Variants in SLC8A2 observed in about 807,000 individuals in gnomAD.
SLC8A2 encodes sodium/calcium exchanger 2.
In SLC8A2, 14 loss-of-function variants were observed where a neutral mutation model predicts 70.2. That is an observed-to-expected ratio of 0.20 (90% CI 0.13 to 0.31). The LOEUF is 0.31. SLC8A2 is among the 10% of genes least tolerant of loss of function. The pLI is 1.00. For missense variants in SLC8A2, 779 were observed against 1,320.1 expected (o/e 0.59, Z 6.35); for synonymous variants, 575 against 594.3 (o/e 0.97, Z 0.47).
In SLC8A2 at chr19:47,432,067, G is replaced by A. The variant is rs768924835; in HGVS notation, c.2389+100C>T. 3 of 1,157,702 alleles carry A rather than the reference G, an allele frequency of 2.6e-6. No individual in the cohort carries two copies. The highest frequency in any genetic ancestry group is 3.7e-6 in the Non-Finnish European group (3 of 820,498). 71.7% of individuals were successfully genotyped at this position (1,157,702 alleles called of 1,614,324 possible). On this transcript the variant is annotated intron_variant, in intron 9 of 9. Transcript: ENST00000236877. The surrounding 1 kb of genome is among the most constrained non-coding windows in gnomAD (Gnocchi z 6.2). ...TATTTCTCTGAGACCCACCACATGG[G>A]CGCTGTGTGACTCCACCCACCTCAT...
chr19:47,434,315 CTG>C (rs1966999863), intron 8 of SLC8A2, among the ~76,000 whole-genome samples: 1 of 152,220 alleles, frequency 6.6e-6, no homozygotes, highest in Admixed American at 6.5e-5. Context: ...TCTGCGGACT[CTG>C]GCCTCAGCTG....
intron 2 of SLC8A2, among the ~76,000 whole-genome samples, chr19:47,461,238 G>T (rs1967391337): frequency 6.6e-6 from 1 of 151,976 alleles, no homozygotes; most frequent in Admixed American, 6.5e-5. Flanking sequence ...GCCAGGCACA[G>T]TGGCTCACGC....
intron 1 of SLC8A2, among the ~76,000 whole-genome samples, chr19:47,471,345 C>T (rs1459924504): frequency 6.6e-6 from 1 of 151,892 alleles, no homozygotes; most frequent in Non-Finnish European, 1.5e-5. Context: ...CAGACCCCGG[C>T]ACAGAGACAC....
At chr19:47,438,918 A>G (rs1486354210) in intron 6 of SLC8A2, among the ~76,000 whole-genome samples, 1 of 152,192 alleles carries the variant, frequency 6.6e-6, no homozygotes, top group Admixed American at 6.6e-5. Context: ...ACACGGCAGA[A>G]GCTGAAGTGT....
intron 1 of SLC8A2, among the ~76,000 whole-genome samples, chr19:47,471,020 G>A (rs1401492222): frequency 6.6e-6 from 1 of 151,980 alleles, no homozygotes; most frequent in Non-Finnish European, 1.5e-5. Flanking sequence ...AAAGGTGTGT[G>A]GGAGGAGGGT....
In SLC8A2 at chr19:47,457,695, T is replaced by TCCCCAAC. The variant is rs1484122090; in HGVS notation, c.676-108_676-102dup. The TCCCCAAC allele has an allele frequency of 1.3e-4, 91 of 693,390 alleles. No homozygotes were observed. The African/African-American group carries it at 1.6e-3, about 12-fold the overall frequency. 43.0% of individuals were successfully genotyped at this position (693,390 alleles called of 1,614,324 possible). A position where few individuals can be genotyped will look rare whatever the true frequency, so the allele number is the denominator to read the frequency against. On this transcript the variant is annotated intron_variant, in intron 2 of 9. Coordinates refer to ENST00000236877, the MANE Select transcript of SLC8A2 (RefSeq NM_015063.3). ...CCGCCTCTGCCACTCCTCATCTCTC[T>TCCCCAAC]CCCCAACCCCCAACCCCGCCCCGTC...
Position 47,448,045 on chromosome 19 carries a change from C to A in SLC8A2, c.1527G>T (p.Pro509=). Residue 509 remains proline (P), a synonymous_variant, in exon 4 of 10, where the codon CCG becomes CCT. Coordinates refer to ENST00000236877, the MANE Select transcript of SLC8A2 (RefSeq NM_015063.3). This position sits in a 1 kb window ranked among gnomAD's most constrained non-coding sequence, Gnocchi z 4.8. The part of the protein sequence containing the change: ...GGRPKGRLVA[P]LLATVTILDD... Reference sequence around the variant, plus strand: ...CCAGGATGGTGACGGTGGCCAGCAGCGGCGCCACCAGCCGCCCCTTGGGCC... The same window carrying A: ...CCAGGATGGTGACGGTGGCCAGCAGAGGCGCCACCAGCCGCCCCTTGGGCC... 1 of 1,572,128 alleles carries A rather than the reference C, an allele frequency of 6.4e-7. No individual in the cohort carries two copies. The highest frequency in any genetic ancestry group is 1.1e-5 in the South Asian group (1 of 87,378).
Position 47,447,752 on chromosome 19 carries a change from C to T in SLC8A2, c.1763+57G>A. 4 of 1,484,094 alleles carry T rather than the reference C, an allele frequency of 2.7e-6. No individual in the cohort carries two copies. The highest frequency in any genetic ancestry group is 3.6e-6 in the Non-Finnish European group (4 of 1,122,816). The allele number at this position is 1,484,094 out of a possible 1,614,324, so 91.9% of individuals were successfully genotyped here. The stretch of plus-strand genomic sequence containing the variant: ...CCCAGGCCCCGCCCCTGAGCCACAT[C>T]AGGCCTCGCCCATTCCGAAGCCCCG... On this transcript the variant is annotated intron_variant, in intron 4 of 9. Transcript: ENST00000236877. This position sits in a 1 kb window ranked among gnomAD's most constrained non-coding sequence, Gnocchi z 5.1.
chr19:47,443,107 G>T (rs1967118466), intron 4 of SLC8A2, among the ~76,000 whole-genome samples: 1 of 151,988 alleles, frequency 6.6e-6, no homozygotes, highest in Non-Finnish European at 1.5e-5. Context: ...TATGTTTTTT[G>T]TTTTATCTCC....
intron 2 of SLC8A2, 40 bp from the exon 3 acceptor site, chr19:47,457,634 C>T (rs1184075117): frequency 1.5e-6 from 2 of 1,325,042 alleles, no homozygotes; most frequent in South Asian, 3.0e-5. Context: ...GGGCGGGCCG[C>T]CTTCTCCCTC....
chr19:47,447,416 T>G lies in SLC8A2; in HGVS notation c.1763+393A>C. 1 of 260,850 alleles carries G rather than the reference T, an allele frequency of 3.8e-6. No individual in the cohort carries two copies. Among genetic ancestry groups the G allele is most frequent in the Non-Finnish European group, 7.4e-6 (1 of 135,398 alleles). The allele number at this position is 260,850 out of a possible 1,614,324, so 16.2% of individuals were successfully genotyped here. On this transcript the variant is annotated intron_variant, in intron 4 of 9. Coordinates refer to ENST00000236877, the MANE Select transcript of SLC8A2 (RefSeq NM_015063.3). This position sits in a 1 kb window ranked among gnomAD's most constrained non-coding sequence, Gnocchi z 5.1. Reference sequence around the variant, plus strand: ...TCCTCACCTCGTCCCCCCTTCCTCCTTGGGGCCCTCTTCTCACCTGTCCGG... The same window carrying G: ...TCCTCACCTCGTCCCCCCTTCCTCCGTGGGGCCCTCTTCTCACCTGTCCGG...
At chr19:47,431,670 AAAAAAAAAAAC>A (rs1450491431) in intron 9 of SLC8A2, among the ~76,000 whole-genome samples, 14 of 139,010 alleles carry the variant, frequency 1.0e-4, no homozygotes, top group African/African-American at 2.8e-4. Flanking sequence ...AAAAAAAAAA[AAAAAAAAAAAC>A]AAAACCCAAA....
In SLC8A2 at chr19:47,430,493, G is replaced by A; in HGVS notation, c.2390-28C>T. The A allele has an allele frequency of 2.6e-6, 4 of 1,555,824 alleles. No individual in the cohort carries two copies. The highest frequency in any genetic ancestry group is 3.5e-6 in the Non-Finnish European group (4 of 1,153,814). Reference sequence around the variant, plus strand: ...GCGAGGCAGAGACATACAGGTCGGAGGGGCTTTGCGCCGCCACCCACAGGG... The same window carrying A: ...GCGAGGCAGAGACATACAGGTCGGAAGGGCTTTGCGCCGCCACCCACAGGG... On this transcript the variant is annotated intron_variant, in intron 9 of 9. Transcript: ENST00000236877. The surrounding 1 kb of genome is among the most constrained non-coding windows in gnomAD (Gnocchi z 5.9).
chr19:47,455,133 G>T (rs987768559), intron 3 of SLC8A2, among the ~76,000 whole-genome samples: 8 of 152,006 alleles, frequency 5.3e-5, no homozygotes, highest in African/African-American at 1.9e-4. Flanking sequence ...GGAGAGAGAG[G>T]AGAGAGGGGA....
At position 47,430,520 on chromosome 19, in the gene SLC8A2, C is replaced by A; in HGVS notation, c.2390-55G>T. 6.7e-7 allele frequency: 1 copy of A among 1,494,296 alleles called. No individual in the cohort carries two copies. The highest frequency in any genetic ancestry group is 1.3e-5 in the South Asian group (1 of 77,090). The allele number at this position is 1,494,296 out of a possible 1,614,324, so 92.6% of individuals were successfully genotyped here. ...GGCTTTGCGCCGCCACCCACAGGGG[C>A]GGGCATCCGCCTGCCCCCTCCCAGC... On this transcript the variant is annotated intron_variant, in intron 9 of 9. Transcript: ENST00000236877. The surrounding 1 kb of genome is among the most constrained non-coding windows in gnomAD (Gnocchi z 5.9).
chr19:47,457,298 C>G lies in SLC8A2; in HGVS notation c.972G>C (p.Gln324His). The change falls in exon 3 of 10, where the codon CAG becomes CAC. Residue 324 changes from glutamine (Q) to histidine (H), a missense_variant. By Grantham distance (24) the Gln-to-His change is conservative. This residue lies in a region of SLC8A2 where 186 missense variants were observed against 246.6 expected (regional missense o/e 0.75). Transcript: ENST00000236877. ...GCTCCAGATCCTTGTCCGGGTGCTT[C>G]TGCTTGAGGTCCTTGAGGATCTGGA... is the stretch of plus-strand genomic sequence containing the variant. ...EVIQILKDLK[Q>H]KHPDKDLEQL... 1 of 1,546,794 alleles carries G rather than the reference C, an allele frequency of 6.5e-7. No individual in the cohort carries two copies.
chr19:47,442,661 C>T (rs1967113386), intron 4 of SLC8A2, among the ~76,000 whole-genome samples: 1 of 152,088 alleles, frequency 6.6e-6, no homozygotes, highest in African/African-American at 2.4e-5. Context: ...CCTTATACTG[C>T]TCTGTTGTCT....
chr19:47,465,169 C>T lies in SLC8A2; in HGVS notation c.675+560G>A, dbSNP rs965292245. Among the ~76,000 whole-genome samples, 8 of 152,086 alleles carry T rather than the reference C, an allele frequency of 5.3e-5. No homozygotes were observed. The highest frequency in any genetic ancestry group is 3.9e-4 in the Admixed American group (6 of 15,272). On this transcript the variant is annotated intron_variant, in intron 2 of 9. Transcript: ENST00000236877. The surrounding 1 kb of genome is among the most constrained non-coding windows in gnomAD (Gnocchi z 5.5). ...AGATGTAGGTATATATCTATGCGAG[C>T]CCATGGATAAATTATGCAAATTGCA...
intron 3 of SLC8A2, among the ~76,000 whole-genome samples, chr19:47,455,788 A>G (rs533124041): frequency 6.6e-6 from 1 of 152,342 alleles, no homozygotes; most frequent in East Asian, 1.9e-4. Flanking sequence ...AAATAAAGAC[A>G]TCTGGCACAC....
Sources: gnomAD v4.1 joint callset for allele counts (sites outside exome capture counted in the v4.1 genomes callset) on GRCh38, gnomAD v4.1.1 for gene constraint, gnomAD v4.1.1 regional missense constraint, Gnocchi (gnomAD v3.1) non-coding constraint, MANE v1.5 for transcripts, NCBI Gene and HGNC (gene_info 2026-07-23, HGNC 2026-07-21) for gene names.